Variants in TNIK observed in about 807,000 individuals in gnomAD.
The protein encoded by TNIK is TRAF2 and NCK interacting kinase, also known as TRAF2 and NCK-interacting protein kinase.
In TNIK, 49 loss-of-function variants were observed where a neutral mutation model predicts 191.3. That is an observed-to-expected ratio of 0.26 (90% CI 0.20 to 0.32). The LOEUF (loss-of-function observed/expected upper bound fraction) is 0.32. Ranked by LOEUF, TNIK falls within the 10% of genes least tolerant of loss-of-function variation. The probability of loss-of-function intolerance (pLI) is 1.00; values close to 1 mark genes in which losing one functional copy is unlikely to be tolerated. For synonymous variants in TNIK, 594 were observed against 600.9 expected (o/e 0.99, Z 0.17); for missense variants, 1,155 against 1,702.3 (o/e 0.68, Z 5.66).
In TNIK at chr3:171,126,018, G is replaced by A. The variant is rs779298053; in HGVS notation, c.1907C>T (p.Pro636Leu). Residue 636 changes from proline to leucine, a missense_variant, in exon 17 of 33, where the codon CCA (proline) becomes CTA (leucine). Coordinates refer to ENST00000436636, the MANE Select transcript of TNIK (RefSeq NM_015028.4). Reference sequence around the variant, plus strand: ...CGAGGTGGGATCTGAGTTCTGGCGTGGCATCTCCACGCGGTGGGAGGTCAC... The same window carrying A: ...CGAGGTGGGATCTGAGTTCTGGCGTAGCATCTCCACGCGGTGGGAGGTCAC... Reference protein sequence around the residue: ...LNVTSHRVEMPRQNSDPTSEN... With the variant: ...LNVTSHRVEMLRQNSDPTSEN... The A allele has an allele frequency of 6.8e-6, 11 of 1,613,832 alleles. No individual in the cohort carries two copies. Among genetic ancestry groups the A allele is most frequent in the Non-Finnish European group, 9.3e-6 (11 of 1,179,890 alleles).
chr3:171,427,771 C>A (rs1413577482), intron 1 of TNIK, among the ~76,000 whole-genome samples: 1 of 152,090 alleles, frequency 6.6e-6, no homozygotes, highest in African/African-American at 2.4e-5. Flanking sequence ...GCCTAGTGGG[C>A]AGGGACAGGA....
At position 171,061,782 on chromosome 3, in the gene TNIK, A is replaced by G. The variant is rs1475854065; in HGVS notation, c.*2099T>C. 6.6e-6 allele frequency: 1 copy of G among 152,220 alleles called. No homozygotes were observed. The highest frequency in any genetic ancestry group is 1.5e-5 in the Non-Finnish European group (1 of 68,032). The allele number at this position is 152,220 out of a possible 1,614,324, so 9.4% of individuals were successfully genotyped here. The stretch of plus-strand genomic sequence containing the variant: ...TTACAGTAGTTGTTAAATTCAATCC[A>G]AAAAGTTATTGCTGAATTTGTGGCA... On this transcript the variant is annotated 3_prime_UTR_variant, in exon 33 of 33. Transcript: ENST00000436636.
intron 2 of TNIK, among the ~76,000 whole-genome samples, chr3:171,286,880 T>A (rs977200388): frequency 3.9e-5 from 6 of 152,352 alleles, no homozygotes. Context: ...AATGATCAAT[T>A]GCTACAGCAA....
intron 2 of TNIK, among the ~76,000 whole-genome samples, chr3:171,290,340 TACC>T (rs1279337497): frequency 1.3e-5 from 2 of 152,224 alleles, no homozygotes; most frequent in Non-Finnish European, 2.9e-5. Flanking sequence ...ATTTGAATCC[TACC>T]ACCATCATTA....
intron 11 of TNIK, among the ~76,000 whole-genome samples, chr3:171,158,333 A>C (rs938965479): frequency 1.3e-5 from 2 of 152,212 alleles, no homozygotes; most frequent in African/African-American, 2.4e-5. Flanking sequence ...TGGTTCCTAG[A>C]TTCTGTTTAG....
intron 18 of TNIK, among the ~76,000 whole-genome samples, chr3:171,111,544 C>A (rs896164376): frequency 6.6e-6 from 1 of 152,034 alleles, no homozygotes; most frequent in East Asian, 1.9e-4. Context: ...AAGAGGGAAC[C>A]CTTGTACCCT....
intron 1 of TNIK, among the ~76,000 whole-genome samples, chr3:171,454,955 G>A (rs960167938): frequency 2.9e-4 from 44 of 152,094 alleles, no homozygotes; most frequent in Admixed American, 1.8e-3. Flanking sequence ...TTGAATAATC[G>A]GTAATACATA....
chr3:171,403,611 C>CGAAAAAAAA (rs1721253634), intron 1 of TNIK, among the ~76,000 whole-genome samples: 1 of 100,168 alleles, frequency 1.0e-5, no homozygotes, highest in Non-Finnish European at 1.9e-5. Flanking sequence ...GACTCCGTAT[C>CGAAAAAAAA]AAAAAAAAAA....
chr3:171,089,845 T>C (rs561220015), intron 23 of TNIK, among the ~76,000 whole-genome samples: 13 of 152,326 alleles, frequency 8.5e-5, no homozygotes, highest in South Asian at 6.2e-4. Context: ...CTAAACACTT[T>C]ATATATGACA....
Position 171,066,641 on chromosome 3 carries a change from A to G in TNIK, c.3794T>C (p.Val1265Ala). The change falls in exon 31 of 33, where the codon GTA becomes GCA. Residue 1265 changes from valine to alanine, a missense_variant. Physicochemically the swap from Val to Ala is moderately conservative, Grantham distance 64. Transcript: ENST00000436636. Reference protein sequence around the residue: ...LVCYEDEGVYVNTYGRITKDV... With the variant: ...LVCYEDEGVYANTYGRITKDV... ...CTTAGTTATCCGGCCATAGGTGTTTACATACACCCCCTCATCCTCATAGCA... is the reference window on the plus strand; with the variant it reads ...CTTAGTTATCCGGCCATAGGTGTTTGCATACACCCCCTCATCCTCATAGCA... The G allele has an allele frequency of 2.5e-6, 4 of 1,613,860 alleles. No individual in the cohort carries two copies. The highest frequency in any genetic ancestry group is 2.5e-6 in the Non-Finnish European group (3 of 1,179,858).
chr3:171,161,839 A>G (rs1734032424), intron 10 of TNIK, among the ~76,000 whole-genome samples: 1 of 151,826 alleles, frequency 6.6e-6, no homozygotes, highest in African/African-American at 2.4e-5. Context: ...AGAATGGCGC[A>G]AACCCAGGAG....
At chr3:171,110,164 C>T (rs948754565) in intron 19 of TNIK, among the ~76,000 whole-genome samples, 3 of 152,200 alleles carry the variant, frequency 2.0e-5, no homozygotes, top group African/African-American at 7.2e-5. Context: ...GCCTTGGCCT[C>T]CCTAAGTGCT....
At chr3:171,364,903 T>G (rs1318886016) in intron 2 of TNIK, among the ~76,000 whole-genome samples, 1 of 152,014 alleles carries the variant, frequency 6.6e-6, no homozygotes, top group Non-Finnish European at 1.5e-5. Context: ...GAGAACAAGG[T>G]GCTCATTCTA....
At chr3:171,403,978 C>T (rs544658911) in intron 1 of TNIK, among the ~76,000 whole-genome samples, 1 of 152,270 alleles carries the variant, frequency 6.6e-6, no homozygotes, top group South Asian at 2.1e-4. Context: ...GCAAAGAGGT[C>T]ACAGGATATG....
intron 2 of TNIK, among the ~76,000 whole-genome samples, chr3:171,357,289 A>ATT (rs113929884): frequency 1.4e-5 from 2 of 143,920 alleles, no homozygotes; most frequent in Non-Finnish European, 3.1e-5. Context: ...ACTCAGCAGA[A>ATT]TTTTTTTTTT....
chr3:171,442,613 G>T (rs370049035), intron 1 of TNIK, among the ~76,000 whole-genome samples: 2 of 152,066 alleles, frequency 1.3e-5, no homozygotes, highest in African/African-American at 2.4e-5. Context: ...TCATAGAGAG[G>T]CTTCCTCCTG....
chr3:171,419,420 T>C (rs1386261818), intron 1 of TNIK, among the ~76,000 whole-genome samples: 1 of 152,246 alleles, frequency 6.6e-6, no homozygotes, highest in Admixed American at 6.5e-5. Context: ...TAAAATTGAC[T>C]GTACTGATGG....
intron 26 of TNIK, among the ~76,000 whole-genome samples, chr3:171,083,785 G>A (rs1720983122): frequency 6.6e-6 from 1 of 152,150 alleles, no homozygotes; most frequent in Non-Finnish European, 1.5e-5. Context: ...CATGGAGAAT[G>A]AACGTGGGGT....
At position 171,282,334 on chromosome 3, in the gene TNIK, G is replaced by GTTTTTTTTTTTTTTT. The variant is rs201489240; in HGVS notation, c.124-54114_124-54113insAAAAAAAAAAAAAAA. On this transcript the variant is annotated intron_variant, in intron 2 of 32. Coordinates refer to ENST00000436636, the MANE Select transcript of TNIK (RefSeq NM_015028.4). ...GAACTATCTGCAGATTCTCTTAATG[G>GTTTTTTTTTTTTTTT]TTTTTTGTTTTTTTTTTTTTTTTTG... Among the ~76,000 whole-genome samples, 837 of 114,258 alleles carry GTTTTTTTTTTTTTTT rather than the reference G, an allele frequency of 7.3e-3. 39 individuals carry two copies. The highest frequency in any genetic ancestry group is 0.011 in the Non-Finnish European group (606 of 55,866). 75.0% of individuals were successfully genotyped at this position (114,258 alleles called of 152,430 possible). A position where few individuals can be genotyped will look rare whatever the true frequency, so the allele number is the denominator to read the frequency against.
Sources: allele counts gnomAD v4.1 joint callset (sites outside exome capture counted in the v4.1 genomes callset), GRCh38; gene constraint gnomAD v4.1.1; transcripts MANE v1.5; gene names NCBI Gene and HGNC (gene_info 2026-07-23, HGNC 2026-07-21).